TAS1R1: variants seen among roughly 807,000 people sequenced by gnomAD.
The protein encoded by TAS1R1 is taste receptor type 1 member 1.
Under a neutral mutation model 45.8 loss-of-function variants are expected in TAS1R1, and 31 were observed. That is an observed-to-expected ratio of 0.68 (90% confidence interval 0.51 to 0.91). The LOEUF is 0.91. TAS1R1 is among the 40% of genes least tolerant of loss of function. The probability of loss-of-function intolerance (pLI) is 0.00; values close to 1 mark genes in which losing one functional copy is unlikely to be tolerated. For synonymous variants in TAS1R1, 437 were observed against 448.4 expected (o/e 0.97, Z 0.32); for missense variants, 1,051 against 1,063.9 (o/e 0.99, Z 0.17).
intron 1 of TAS1R1, among the ~76,000 whole-genome samples, chr1:6,559,445 C>T (rs1455817545): frequency 6.6e-6 from 1 of 151,862 alleles, no homozygotes; most frequent in East Asian, 2.0e-4. Flanking sequence ...ATTGCCTGAG[C>T]TCAGCAGTTC....
At chr1:6,573,145 G>C (rs1557807820) in intron 2 of TAS1R1, among the ~76,000 whole-genome samples, 1 of 152,318 alleles carries the variant, frequency 6.6e-6, no homozygotes, top group East Asian at 1.9e-4. Context: ...TGAAGTCAGA[G>C]ATACGCTCAT....
chr1:6,576,962 G>A lies in TAS1R1; in HGVS notation c.1486G>A (p.Val496Met). 6.2e-7 allele frequency: 1 copy of A among 1,614,252 alleles called. No homozygotes were observed. ...HGKDNQVPKS[V>M]CSSDCLEGHQ... is the part of the protein sequence containing the mutation. ...TGGCTTCTTACAGGTGCCTAAGTCT[G>A]TGTGTTCCAGCGACTGTCTTGAAGG... The change falls in exon 5 of 6, where the codon GTG becomes ATG. Residue 496 changes from valine (V) to methionine (M), a missense_variant. Val to Met is a conservative substitution (Grantham distance 21). Transcript: ENST00000333172.
At chr1:6,569,607 A>G (rs958837111) in intron 1 of TAS1R1, among the ~76,000 whole-genome samples, 25 of 152,248 alleles carry the variant, frequency 1.6e-4, no homozygotes, top group African/African-American at 5.5e-4. Flanking sequence ...AGAAGCTCCT[A>G]TGGTGAATGG....
rs778989414 is a variant in TAS1R1 at position 6,575,093 on chromosome 1, G to A, written c.961G>A (p.Val321Met). ...GCCCGGGATCCAGCGCATTGGGATG[G>A]TGCTGGGCGTGGCCATCCAGAAGAG... ...GVPGIQRIGM[V>M]LGVAIQKRAV... is the part of the protein sequence containing the mutation. The change falls in exon 3 of 6, where the codon GTG (valine) becomes ATG (methionine). Residue 321 changes from valine (V) to methionine (M), a missense_variant. By Grantham distance (21) the Val-to-Met change is conservative. Transcript: ENST00000333172. 8.2e-6 allele frequency: 13 copies of A among 1,588,780 alleles called. No homozygotes were observed. The highest frequency in any genetic ancestry group is 2.2e-5 in the East Asian group (1 of 44,694).
In TAS1R1 at chr1:6,579,677, G is replaced by A; in HGVS notation, c.*93G>A. The A allele has an allele frequency of 1.3e-6, 2 of 1,486,232 alleles. No individual in the cohort carries two copies. The highest frequency in any genetic ancestry group is 1.8e-6 in the Non-Finnish European group (2 of 1,124,516). The allele number at this position is 1,486,232 out of a possible 1,614,324, so 92.1% of individuals were successfully genotyped here. A position where few individuals can be genotyped will look rare whatever the true frequency, so the allele number is the denominator to read the frequency against. On this transcript the variant is annotated 3_prime_UTR_variant, in exon 6 of 6. Transcript: ENST00000333172. ...GGTGTCCGGGAGGTCTTTGGGCATC[G>A]CGGTCTGGGGTTGGGACGTGTAAGC...
chr1:6,570,758 G>A, intron 1 of TAS1R1, 151 bp from the exon 2 acceptor site: 1 of 623,732 alleles, frequency 1.6e-6, no homozygotes, highest in Non-Finnish European at 2.7e-6. Context: ...CTCCTACTGA[G>A]CTTGAGAGCC....
Position 6,578,860 on chromosome 1 carries a change from G to C in TAS1R1, c.1802G>C (p.Gly601Ala). The change falls in exon 6 of 6, where the codon GGG (glycine) becomes GCG (alanine). Residue 601 changes from glycine to alanine, a missense_variant. Coordinates refer to ENST00000333172, the MANE Select transcript of TAS1R1 (RefSeq NM_138697.4). Reference sequence around the variant, plus strand: ...GACACCCCTGTGGTGAGGTCAGCAGGGGGCCGCCTGTGCTTTCTTATGCTG... The same window carrying C: ...GACACCCCTGTGGTGAGGTCAGCAGCGGGCCGCCTGTGCTTTCTTATGCTG... ...HLDTPVVRSAGGRLCFLMLGS... is the reference protein window; with the variant it reads ...HLDTPVVRSAAGRLCFLMLGS... The C allele has an allele frequency of 1.9e-6, 3 of 1,609,274 alleles. No individual in the cohort carries two copies. In the East Asian group the frequency reaches 6.7e-5, roughly 36 times the overall value.
intron 1 of TAS1R1, among the ~76,000 whole-genome samples, chr1:6,567,049 G>A (rs1393499782): frequency 6.6e-6 from 1 of 152,286 alleles, no homozygotes; most frequent in East Asian, 1.9e-4. Flanking sequence ...TCAGGTTGGG[G>A]GAGGCAAGAA....
At chr1:6,570,050 A>T (rs951568050) in intron 1 of TAS1R1, among the ~76,000 whole-genome samples, 3 of 149,334 alleles carry the variant, frequency 2.0e-5, no homozygotes, top group East Asian at 2.0e-4. Flanking sequence ...AGAGAGAGAG[A>T]GTGAGTCCTC....
In TAS1R1 at chr1:6,579,268, T is replaced by C; in HGVS notation, c.2210T>C (p.Leu737Pro). 1 of 1,614,208 alleles carries C rather than the reference T, an allele frequency of 6.2e-7. No individual in the cohort carries two copies. The highest frequency in any genetic ancestry group is 8.5e-7 in the Non-Finnish European group (1 of 1,180,040). ...ATACTGGCCTTCCTCTACAATGGCCTCCTCTCCATCAGTGCCTTTGCCTGC... is the reference window on the plus strand; with the variant it reads ...ATACTGGCCTTCCTCTACAATGGCCCCCTCTCCATCAGTGCCTTTGCCTGC... The part of the protein sequence containing the change: ...GFILAFLYNG[L>P]LSISAFACSY... The change falls in exon 6 of 6, where the codon CTC becomes CCC. Residue 737 changes from leucine (L) to proline (P), a missense_variant. Leu to Pro is a moderately conservative substitution (Grantham distance 98, BLOSUM62 -3). Coordinates refer to ENST00000333172, the MANE Select transcript of TAS1R1 (RefSeq NM_138697.4).
intron 2 of TAS1R1, among the ~76,000 whole-genome samples, chr1:6,572,908 A>G (rs1640054692): frequency 1.3e-5 from 2 of 152,078 alleles, no homozygotes; most frequent in Middle Eastern, 3.4e-3. Context: ...ATTAGCCCCA[A>G]TCCTCTGGTG....
intron 2 of TAS1R1, among the ~76,000 whole-genome samples, chr1:6,573,741 C>T (rs1258028998): frequency 6.6e-6 from 1 of 151,972 alleles, no homozygotes; most frequent in Non-Finnish European, 1.5e-5. Context: ...CGACTCACTG[C>T]AAGCTCCGCC....
At chr1:6,557,267 A>G (rs148188467) in intron 1 of TAS1R1, among the ~76,000 whole-genome samples, 1 of 152,202 alleles carries the variant, frequency 6.6e-6, no homozygotes, top group African/African-American at 2.4e-5. Flanking sequence ...AGGAGGGAAG[A>G]CATGAAAACC....
In TAS1R1 at chr1:6,575,249, C is replaced by T. The variant is rs115225713; in HGVS notation, c.1117C>T (p.His373Tyr). ...LCRECQAFMA[H>Y]TMPKLKAFSM... ...CAGAGAATGCCAAGCTTTCATGGCA[C>T]ACACGATGCCCAAGCTCAAAGCCTT... The change falls in exon 3 of 6, where the codon CAC becomes TAC. Residue 373 changes from histidine (H) to tyrosine (Y), a missense_variant. By Grantham distance (83) the His-to-Tyr change is moderately conservative. Coordinates refer to ENST00000333172, the MANE Select transcript of TAS1R1 (RefSeq NM_138697.4). 1 of 1,613,490 alleles carries T rather than the reference C, an allele frequency of 6.2e-7. No homozygotes were observed. The highest frequency in any genetic ancestry group is 8.5e-7 in the Non-Finnish European group (1 of 1,180,006).
intron 5 of TAS1R1, among the ~76,000 whole-genome samples, chr1:6,577,461 G>C (rs1251774969): frequency 6.6e-6 from 1 of 151,738 alleles, no homozygotes. Flanking sequence ...CTTGAACCCA[G>C]GAGGCGGAGG....
rs1225606966 is a variant in TAS1R1, at chr1:6,579,539, C to T, written c.2481C>T (p.Phe827=). Residue 827 remains phenylalanine (F), a synonymous_variant, in exon 6 of 6, where the codon TTC becomes TTT. Coordinates refer to ENST00000333172, the MANE Select transcript of TAS1R1 (RefSeq NM_138697.4). ...CRPDLNSTEH[F]QASIQDYTRR... ...CAGACCTCAACAGCACAGAGCACTT[C>T]CAGGCCTCCATTCAGGACTACACGA... The T allele has an allele frequency of 1.9e-6, 3 of 1,612,594 alleles. No homozygotes were observed. Among genetic ancestry groups the T allele is most frequent in the Non-Finnish European group, 2.5e-6 (3 of 1,179,976 alleles).
In TAS1R1 at chr1:6,574,888, C is replaced by G. The variant is rs149994812; in HGVS notation, c.756C>G (p.Gly252=). The change falls in exon 3 of 6, where the codon GGC becomes GGG. Residue 252 remains glycine, a synonymous_variant. Transcript: ENST00000333172. The surrounding 1 kb of genome is among the most constrained non-coding windows in gnomAD (Gnocchi z 4.3). ...TCATGCCCTTCTCTGCCCAGGTGGG[C>G]GATGAGAGGATGCAGTGCCTCATGC... The part of the protein sequence containing the change: ...KDIMPFSAQV[G]DERMQCLMRH... The G allele has an allele frequency of 6.2e-7, 1 of 1,614,200 alleles. No individual in the cohort carries two copies.
chr1:6,556,481 ACCT>A (rs1460024193), intron 1 of TAS1R1, among the ~76,000 whole-genome samples: 1 of 151,636 alleles, frequency 6.6e-6, no homozygotes, highest in Non-Finnish European at 1.5e-5. Flanking sequence ...ACTCACTGCA[ACCT>A]CCTCCTCCTG....
chr1:6,576,429 C>A lies in TAS1R1; in HGVS notation c.1275C>A (p.Ile425=). 2 of 1,614,184 alleles carry A rather than the reference C, an allele frequency of 1.2e-6. No individual in the cohort carries two copies. The highest frequency in any genetic ancestry group is 1.3e-5 in the African/African-American group (1 of 75,038). The change falls in exon 4 of 6, where the codon ATC becomes ATA. Residue 425 remains isoleucine, a synonymous_variant. Coordinates refer to ENST00000333172, the MANE Select transcript of TAS1R1 (RefSeq NM_138697.4). ...RVYPWQLLEQ[I]HKVHFLLHKD... is the part of the protein sequence containing the mutation. The stretch of plus-strand genomic sequence containing the variant: ...GTTTCTTTCAGCTTTTGGAGCAGAT[C>A]CACAAGGTGCATTTCCTTCTACACA...
Sources: gnomAD v4.1 joint callset for allele counts (sites outside exome capture counted in the v4.1 genomes callset) on GRCh38, gnomAD v4.1.1 for gene constraint, Gnocchi (gnomAD v3.1) non-coding constraint, MANE v1.5 for transcripts, NCBI Gene and HGNC (gene_info 2026-07-23, HGNC 2026-07-21) for gene names.